ZCCHC7: variants seen among roughly 807,000 people sequenced by gnomAD.
ZCCHC7 encodes zinc finger CCHC-type containing 7.
A neutral mutation model predicts 52.0 loss-of-function variants in ZCCHC7; 35 were observed. That is an observed-to-expected ratio of 0.67 (90% CI 0.51 to 0.89). The LOEUF (loss-of-function observed/expected upper bound fraction) is 0.89, where lower values mean the gene tolerates loss of function less well. Ranked by LOEUF, ZCCHC7 falls within the 40% of genes least tolerant of loss-of-function variation. The pLI, the probability that ZCCHC7 is intolerant of heterozygous loss-of-function variation, is 0.00. For synonymous variants in ZCCHC7, 217 were observed against 221.5 expected (o/e 0.98, Z 0.18); for missense variants, 574 against 649.1 (o/e 0.88, Z 1.26).
intron 2 of ZCCHC7, among the ~76,000 whole-genome samples, chr9:37,215,155 G>A (rs530817290): frequency 3.2e-4 from 49 of 152,232 alleles, no homozygotes; most frequent in Non-Finnish European, 6.5e-4. Flanking sequence ...GGCTTTGACT[G>A]TGTTAAAGAG....
chr9:37,304,512 C>A (rs1829207330), intron 4 of ZCCHC7, among the ~76,000 whole-genome samples, 199 bp downstream of exon 4: 3 of 152,144 alleles, frequency 2.0e-5, no homozygotes, highest in Non-Finnish European at 4.4e-5. Flanking sequence ...AAAAAATTAG[C>A]CGGGCGTGAT....
chr9:37,229,895 T>C (rs1371633952), intron 2 of ZCCHC7, among the ~76,000 whole-genome samples: 7 of 152,236 alleles, frequency 4.6e-5, no homozygotes, highest in African/African-American at 1.7e-4. Context: ...GTATCCTTAT[T>C]CTATAAGCTT....
chr9:37,346,021 C>T (rs1588702174), intron 6 of ZCCHC7, among the ~76,000 whole-genome samples: 2 of 151,910 alleles, frequency 1.3e-5, no homozygotes, highest in South Asian at 2.1e-4. Context: ...TTGTTTTTTG[C>T]GACAGAGTTT....
intron 4 of ZCCHC7, among the ~76,000 whole-genome samples, 170 bp from the exon 5 acceptor site, chr9:37,305,374 A>G (rs1217522700): frequency 1.3e-5 from 2 of 152,252 alleles, no homozygotes; most frequent in African/African-American, 4.8e-5. Flanking sequence ...CAAACAATAT[A>G]CATACAGTGT....
At chr9:37,317,497 A>C (rs562484472) in intron 5 of ZCCHC7, among the ~76,000 whole-genome samples, 1 of 152,356 alleles carries the variant, frequency 6.6e-6, no homozygotes, top group South Asian at 2.1e-4. Flanking sequence ...GAATTGCTTG[A>C]GGTCAGGAGT....
At chr9:37,302,367 C>A in intron 3 of ZCCHC7, 136 bp downstream of exon 3, 1 of 687,396 alleles carries the variant, frequency 1.5e-6, no homozygotes, top group Non-Finnish European at 2.4e-6. Flanking sequence ...AGTGATTTAA[C>A]TCTTCAGAAA....
intron 2 of ZCCHC7, among the ~76,000 whole-genome samples, chr9:37,150,280 A>G (rs1820445890): frequency 6.6e-6 from 1 of 152,246 alleles, no homozygotes; most frequent in Admixed American, 6.5e-5. Context: ...GTAAGGTTTA[A>G]TATAGAAAGT....
At chr9:37,233,737 AT>A (rs1825512075) in intron 2 of ZCCHC7, among the ~76,000 whole-genome samples, 1 of 152,210 alleles carries the variant, frequency 6.6e-6, no homozygotes, top group South Asian at 2.1e-4. Context: ...ACATGAAGGA[AT>A]GACAGGAGAC....
chr9:37,122,482 G>T (rs1486355992), intron 1 of ZCCHC7, among the ~76,000 whole-genome samples: 1 of 152,194 alleles, frequency 6.6e-6, no homozygotes, highest in African/African-American at 2.4e-5. Flanking sequence ...ACTGACAAAC[G>T]TGTGTTTTCC....
chr9:37,244,087 T>A (rs1825984639), intron 2 of ZCCHC7, among the ~76,000 whole-genome samples: 1 of 151,808 alleles, frequency 6.6e-6, no homozygotes, highest in African/African-American at 2.4e-5. Flanking sequence ...AGTGGTCCTT[T>A]GTAATGCCAT....
intron 2 of ZCCHC7, among the ~76,000 whole-genome samples, chr9:37,180,683 G>A (rs1175815198): frequency 6.6e-6 from 1 of 152,056 alleles, no homozygotes; most frequent in Non-Finnish European, 1.5e-5. Context: ...TTGATAAATT[G>A]CAAACTCTTA....
intron 2 of ZCCHC7, among the ~76,000 whole-genome samples, chr9:37,178,012 ATT>A (rs1173737142): frequency 6.6e-6 from 1 of 152,182 alleles, no homozygotes; most frequent in Non-Finnish European, 1.5e-5. Context: ...ATTTTGTCAA[ATT>A]TACCATACTA....
intron 5 of ZCCHC7, chr9:37,326,946 C>T (rs1830267525): frequency 6.6e-6 from 1 of 152,068 alleles, no homozygotes; most frequent in Non-Finnish European, 1.5e-5. Context: ...ACAAACAACA[C>T]ACTTTTTGCT....
intron 2 of ZCCHC7, among the ~76,000 whole-genome samples, chr9:37,247,072 A>G (rs531385729): frequency 6.6e-6 from 1 of 152,072 alleles, no homozygotes; most frequent in East Asian, 1.9e-4. Context: ...TTTGACAGAT[A>G]CCTCCCCAAC....
chr9:37,239,435 CCT>C (rs1431074365), intron 2 of ZCCHC7, among the ~76,000 whole-genome samples: 1 of 151,998 alleles, frequency 6.6e-6, no homozygotes, highest in Non-Finnish European at 1.5e-5. Context: ...ACCTAGATGA[CCT>C]TCATGTTCTA....
chr9:37,260,245 C>T (rs557964318), intron 2 of ZCCHC7, among the ~76,000 whole-genome samples: 1 of 152,174 alleles, frequency 6.6e-6, no homozygotes, highest in Non-Finnish European at 1.5e-5. Context: ...AGTGCTGAGC[C>T]GCTCTTTCAT....
chr9:37,357,230 A>G lies in ZCCHC7; in HGVS notation c.1594A>G (p.Asn532Asp), dbSNP rs1466294255. Residue 532 changes from asparagine to aspartate, a missense_variant, in exon 9 of 9, where the codon AAC becomes GAC. Around this residue, in one of 3 missense-constraint regions of ZCCHC7, gnomAD observed 168 missense variants for 171.6 expected, o/e 0.98. Transcript: ENST00000336755. Reference sequence around the variant, plus strand: ...GTGCTGGGAAGATGATGACAATGATAACTTATTTCTTATTAAGCAGAGAAA... The same window carrying G: ...GTGCTGGGAAGATGATGACAATGATGACTTATTTCTTATTAAGCAGAGAAA... Reference protein sequence around the residue: ...ERCWEDDDNDNLFLIKQRKKK... With the variant: ...ERCWEDDDNDDLFLIKQRKKK... 1.2e-6 allele frequency: 2 copies of G among 1,606,136 alleles called. No homozygotes were observed. Among genetic ancestry groups the G allele is most frequent in the South Asian group, 2.2e-5 (2 of 89,166 alleles).
intron 6 of ZCCHC7, among the ~76,000 whole-genome samples, chr9:37,341,069 T>G (rs1470072195): frequency 6.6e-6 from 1 of 152,172 alleles, no homozygotes; most frequent in African/African-American, 2.4e-5. Context: ...AAATAAGAAG[T>G]GTCAACATGA....
chr9:37,215,659 CACTTA>C (rs1824464232), intron 2 of ZCCHC7, among the ~76,000 whole-genome samples: 1 of 152,184 alleles, frequency 6.6e-6, no homozygotes, highest in Non-Finnish European at 1.5e-5. Context: ...ACAAAAGATG[CACTTA>C]ACTTCATTCT....
Sources: gnomAD v4.1 joint callset for allele counts (sites outside exome capture counted in the v4.1 genomes callset) on GRCh38, gnomAD v4.1.1 for gene constraint, gnomAD v4.1.1 regional missense constraint, MANE v1.5 for transcripts, NCBI Gene and HGNC (gene_info 2026-07-23, HGNC 2026-07-21) for gene names.